LHFPL3: variants seen among roughly 807,000 people sequenced by gnomAD.
LHFPL3 encodes the protein LHFPL tetraspan subfamily member 3 protein.
LHFPL3 carries 5 observed loss-of-function variants against 19.3 expected under a neutral mutation model. That is an observed-to-expected ratio of 0.26 (90% CI 0.14 to 0.54). The LOEUF (loss-of-function observed/expected upper bound fraction) is 0.54, where lower values mean the gene tolerates loss of function less well. Ranked by LOEUF, LHFPL3 falls within the 20% of genes least tolerant of loss-of-function variation. The pLI is 0.94. For synonymous variants in LHFPL3, 133 were observed against 126.2 expected (o/e 1.05, Z -0.36); for missense variants, 249 against 307.4 (o/e 0.81, Z 1.42).
rs1042238741 is a variant in LHFPL3 at position 104,637,768 on chromosome 7, G to C, written c.446-98907G>C. Among the ~76,000 whole-genome samples, 7 of 139,566 alleles carry C rather than the reference G, an allele frequency of 5.0e-5. 1 individual carries two copies. Among genetic ancestry groups the C allele is most frequent in the African/African-American group, 1.8e-4 (7 of 37,962 alleles). 91.6% of individuals were successfully genotyped at this position (139,566 alleles called of 152,430 possible). A position where few individuals can be genotyped will look rare whatever the true frequency, so the allele number is the denominator to read the frequency against. On this transcript the variant is annotated intron_variant, in intron 1 of 2. Coordinates refer to ENST00000424859, the MANE Select transcript of LHFPL3 (RefSeq NM_199000.3). ...TCTGTTTTTGTACCAGTATCATGCT[G>C]TTTTGGTTATTGTAGCCCTTTAGTA...
chr7:104,602,020 C>CTTTTTTTTTTTTTTTTTTTT (rs57501560), intron 1 of LHFPL3, among the ~76,000 whole-genome samples: 3 of 91,456 alleles, frequency 3.3e-5, no homozygotes, highest in Non-Finnish European at 1.9e-5. Context: ...TTTTTCTTTT[C>CTTTTTTTTTTTTTTTTTTTT]TTTTTTTTTT....
intron 2 of LHFPL3, among the ~76,000 whole-genome samples, chr7:104,781,203 A>G (rs1794710726): frequency 6.6e-6 from 1 of 152,060 alleles, no homozygotes; most frequent in Non-Finnish European, 1.5e-5. Context: ...CCCAGTGGCT[A>G]TTTCAGGTCT....
intron 1 of LHFPL3, among the ~76,000 whole-genome samples, chr7:104,414,476 G>T (rs187412742): frequency 3.0e-4 from 46 of 152,296 alleles, no homozygotes; most frequent in Non-Finnish European, 5.0e-4. Context: ...CAGATCTGAG[G>T]ATGGGGAACT....
chr7:104,490,148 G>A lies in LHFPL3; in HGVS notation c.445+160924G>A, dbSNP rs749777609. 3.3e-5 allele frequency among the ~76,000 whole-genome samples: 5 copies of A among 152,132 alleles called. No individual in the cohort carries two copies. In the South Asian group the frequency reaches 6.2e-4, roughly 19 times the overall value. Reference sequence around the variant, plus strand: ...AATTGTTTTCATGGTTTTACCGTCAGTTCCACTTTTAACTTCCTAATAGTC... The same window carrying A: ...AATTGTTTTCATGGTTTTACCGTCAATTCCACTTTTAACTTCCTAATAGTC... On this transcript the variant is annotated intron_variant, in intron 1 of 2. Coordinates refer to ENST00000424859, the MANE Select transcript of LHFPL3 (RefSeq NM_199000.3).
At chr7:104,651,383 A>G (rs533359064) in intron 1 of LHFPL3, among the ~76,000 whole-genome samples, 1 of 152,342 alleles carries the variant, frequency 6.6e-6, no homozygotes, top group South Asian at 2.1e-4. Context: ...TGTGAACCCA[A>G]GGTGCTCGAA....
intron 2 of LHFPL3, among the ~76,000 whole-genome samples, chr7:104,828,529 G>T (rs1790869093): frequency 6.6e-6 from 1 of 151,980 alleles, no homozygotes; most frequent in African/African-American, 2.4e-5. Flanking sequence ...GTCTGCTGGG[G>T]ATACAGGACT....
chr7:104,634,048 C>T (rs1399077365), intron 1 of LHFPL3, among the ~76,000 whole-genome samples: 2 of 152,202 alleles, frequency 1.3e-5, no homozygotes, highest in Non-Finnish European at 2.9e-5. Flanking sequence ...TTATTATCCA[C>T]TATTATTCTA....
At position 104,723,722 on chromosome 7, in the gene LHFPL3, C is replaced by CAAAAAA. The variant is rs1167618176; in HGVS notation, c.446-12929_446-12924dup. Among the ~76,000 whole-genome samples the CAAAAAA allele has an allele frequency of 8.3e-4, 39 of 46,948 alleles. 2 individuals are homozygous for CAAAAAA. The highest frequency in any genetic ancestry group is 3.6e-3 in the African/African-American group (37 of 10,288). The allele number at this position is 46,948 out of a possible 152,430, so 30.8% of individuals were successfully genotyped here. On this transcript the variant is annotated intron_variant, in intron 1 of 2. Coordinates refer to ENST00000424859, the MANE Select transcript of LHFPL3 (RefSeq NM_199000.3). The stretch of plus-strand genomic sequence containing the variant: ...GGGCGACAGAGCAAGACTATGTCTC[C>CAAAAAA]AAAAAAAAAAAAAAAAAAAAAAAAA...
chr7:104,890,457 T>A (rs1456140256), intron 2 of LHFPL3, among the ~76,000 whole-genome samples: 1 of 152,210 alleles, frequency 6.6e-6, no homozygotes, highest in East Asian at 1.9e-4. Flanking sequence ...AGTTGCTGCC[T>A]TGAGCAGTAG....
intron 1 of LHFPL3, among the ~76,000 whole-genome samples, chr7:104,680,898 C>T (rs1792681971): frequency 6.6e-6 from 1 of 152,104 alleles, no homozygotes; most frequent in South Asian, 2.1e-4. Context: ...GAAAATTTAG[C>T]CTGGTGTGAA....
At chr7:104,822,720 TG>T (rs1790699095) in intron 2 of LHFPL3, among the ~76,000 whole-genome samples, 1 of 152,270 alleles carries the variant, frequency 6.6e-6, no homozygotes, top group South Asian at 2.1e-4. Flanking sequence ...CGCATCATCT[TG>T]GAAGAATCTG....
At chr7:104,373,450 G>A (rs1292062934) in intron 1 of LHFPL3, among the ~76,000 whole-genome samples, 1 of 152,120 alleles carries the variant, frequency 6.6e-6, no homozygotes, top group Admixed American at 6.5e-5. Context: ...GATGGTCACT[G>A]TGCTATAACC....
chr7:104,726,921 A>G (rs952099020), intron 1 of LHFPL3, among the ~76,000 whole-genome samples: 1 of 152,162 alleles, frequency 6.6e-6, no homozygotes, highest in African/African-American at 2.4e-5. Flanking sequence ...GTCTTCTACA[A>G]TGGTTGAACT....
intron 1 of LHFPL3, among the ~76,000 whole-genome samples, chr7:104,556,303 C>G (rs79430601): frequency 0.22 from 33,289 of 152,184 alleles, 3,987 homozygotes; most frequent in Middle Eastern, 0.31. Flanking sequence ...GGGTCCCCCC[C>G]CTGCAGCAAA....
At chr7:104,455,288 A>G (rs983030617) in intron 1 of LHFPL3, among the ~76,000 whole-genome samples, 15 of 152,230 alleles carry the variant, frequency 9.9e-5, no homozygotes, top group Non-Finnish European at 1.6e-4. Flanking sequence ...ACAACGTGCA[A>G]ATTAGTTGAT....
intron 1 of LHFPL3, among the ~76,000 whole-genome samples, chr7:104,724,648 C>T (rs1180113079): frequency 6.6e-6 from 1 of 152,152 alleles, no homozygotes; most frequent in Non-Finnish European, 1.5e-5. Flanking sequence ...GGAAAAATAA[C>T]TAATGGGTAC....
At chr7:104,441,083 A>T (rs987128736) in intron 1 of LHFPL3, among the ~76,000 whole-genome samples, 12 of 152,142 alleles carry the variant, frequency 7.9e-5, no homozygotes, top group Non-Finnish European at 4.4e-5. Context: ...TAAATTTTTA[A>T]AGTTCATTAT....
At chr7:104,395,078 A>G (rs185862649) in intron 1 of LHFPL3, among the ~76,000 whole-genome samples, 1 of 151,596 alleles carries the variant, frequency 6.6e-6, no homozygotes, top group African/African-American at 2.4e-5. Context: ...GTATACCACA[A>G]CTATCCAACA....
Position 104,763,647 on chromosome 7 carries a change from CA to C in LHFPL3, c.682+26737del, listed in dbSNP as rs200723473. Reference sequence around the variant, plus strand: ...TAGCTCAGTGGCTACTTCTCAGCTTCACAGGTATCAAGAATCTTCCTGGTGT... The same window carrying C: ...TAGCTCAGTGGCTACTTCTCAGCTTCCAGGTATCAAGAATCTTCCTGGTGT... On this transcript the variant is annotated intron_variant, in intron 2 of 2. Coordinates refer to ENST00000424859, the MANE Select transcript of LHFPL3 (RefSeq NM_199000.3). Among the ~76,000 whole-genome samples the C allele has an allele frequency of 2.6e-3, 392 of 152,312 alleles. 6 individuals are homozygous for C. The highest frequency in any genetic ancestry group is 8.7e-3 in the African/African-American group (363 of 41,562).
Sources: gnomAD v4.1 joint callset for allele counts (sites outside exome capture counted in the v4.1 genomes callset) on GRCh38, gnomAD v4.1.1 for gene constraint, MANE v1.5 for transcripts, NCBI Gene and HGNC (gene_info 2026-07-23, HGNC 2026-07-21) for gene names.